The following NID1 variants were observed in gnomAD, a reference collection of about 807,000 sequenced individuals.
NID1 encodes nidogen-1.
A neutral mutation model predicts 130.6 loss-of-function variants in NID1; 76 were observed. The ratio of observed to expected loss-of-function variants is 0.58; its 90% CI spans 0.48 to 0.70. The LOEUF is 0.70. NID1 is among the 30% of genes least tolerant of loss of function. The pLI is 0.00. For synonymous variants in NID1, 665 were observed against 675.1 expected, an observed-to-expected ratio of 0.98 and a Z score of 0.23; for missense variants, 1,517 against 1,664.8, an observed-to-expected ratio of 0.91 and a Z score of 1.54.
chr1:236,042,780 A>G (rs1570828), intron 3 of NID1, among the ~76,000 whole-genome samples: 71,300 of 152,030 alleles, frequency 0.47, 17,065 homozygotes, highest in East Asian at 0.68. Flanking sequence ...GGAATTTCTG[A>G]AGTGATAAGA....
At chr1:236,026,259 C>G in intron 7 of NID1, 118 bp from the exon 8 acceptor site, 2 of 1,312,328 alleles carry the variant, frequency 1.5e-6, no homozygotes, top group Non-Finnish European at 2.1e-6. Flanking sequence ...GCCCATAAGG[C>G]TACCAGATGA....
intron 1 of NID1, among the ~76,000 whole-genome samples, chr1:236,049,475 G>C (rs1391364328): frequency 6.6e-6 from 1 of 151,858 alleles, no homozygotes; most frequent in Non-Finnish European, 1.5e-5. Flanking sequence ...GTGAACCCTT[G>C]TCTCAAAAAA....
chr1:236,041,087 G>A (rs900292718), intron 4 of NID1, among the ~76,000 whole-genome samples: 1 of 150,662 alleles, frequency 6.6e-6, no homozygotes, highest in African/African-American at 2.4e-5. Context: ...TTTTCTTTTC[G>A]AGGCAGAGAC....
intron 1 of NID1, among the ~76,000 whole-genome samples, chr1:236,055,253 A>G (rs1395025970): frequency 1.3e-5 from 2 of 151,928 alleles, no homozygotes; most frequent in Non-Finnish European, 2.9e-5. Flanking sequence ...GCAGTAAGCC[A>G]AGACCACACC....
Position 235,980,579 on chromosome 1 carries a change from C to G in NID1, c.3302G>C (p.Arg1101Thr), listed in dbSNP as rs267598426. 74 of 1,614,222 alleles carry G rather than the reference C, an allele frequency of 4.6e-5. 1 individual carries two copies. In the South Asian group the frequency reaches 7.5e-4, roughly 16 times the overall value. Residue 1101 changes from arginine (R) to threonine (T), a missense_variant, in exon 17 of 20, where the codon AGG becomes ACG. Arg to Thr is a moderately conservative substitution (Grantham distance 71, BLOSUM62 -1). This residue lies in a region of NID1 where 181 missense variants were observed against 211.3 expected (regional missense o/e 0.86). Coordinates refer to ENST00000264187, the MANE Select transcript of NID1 (RefSeq NM_002508.3). ...ETSYMDGTNRRILVQDDLGLP... is the reference protein window; with the variant it reads ...ETSYMDGTNRTILVQDDLGLP... ...GCCCAGGTCATCCTGCACAAGGATCCTCCGGTTCGTGCCGTCCATGTAGGA... is the reference window on the plus strand; with the variant it reads ...GCCCAGGTCATCCTGCACAAGGATCGTCCGGTTCGTGCCGTCCATGTAGGA...
intron 1 of NID1, chr1:236,060,893 A>G (rs1440561602): frequency 6.6e-6 from 1 of 152,212 alleles, no homozygotes; most frequent in Non-Finnish European, 1.5e-5. Flanking sequence ...CTGGGGAGAC[A>G]CATGTTTCTC....
intron 14 of NID1, among the ~76,000 whole-genome samples, chr1:235,987,128 T>G (rs1470180682): frequency 6.6e-6 from 1 of 152,328 alleles, no homozygotes; most frequent in South Asian, 2.1e-4. Context: ...CACTGAGAGT[T>G]AGCTCTGAGT....
chr1:235,997,459 A>T (rs1657958755), intron 12 of NID1, among the ~76,000 whole-genome samples: 1 of 152,182 alleles, frequency 6.6e-6, no homozygotes, highest in African/African-American at 2.4e-5. Context: ...ATTTGTATAT[A>T]TGTTTACACA....
rs761824245 is a variant in NID1, at chr1:236,011,943, G to A, written c.2505C>T (p.Asp835=). Residue 835 remains aspartate (D), a synonymous_variant, in exon 12 of 20, where the codon GAC becomes GAT. Transcript: ENST00000264187. ...TCQCKPGYQG[D]GFRCVPGEVE... is the part of the protein sequence containing the mutation. ...TACCTCCGGGCACGCAACGGAAGCC[G>A]TCTCCCTGATAACCAGGTTTGCACT... The A allele has an allele frequency of 2.4e-5, 39 of 1,613,984 alleles. No homozygotes were observed. The highest frequency in any genetic ancestry group is 2.8e-5 in the Non-Finnish European group (33 of 1,180,030).
At chr1:236,035,943 AT>A (rs113533969) in intron 5 of NID1, among the ~76,000 whole-genome samples, 3,166 of 150,726 alleles carry the variant, frequency 0.021, 45 homozygotes, top group African/African-American at 0.037. Context: ...AGCTAGAAAC[AT>A]TTTTTTTTTA....
chr1:236,023,146 C>T (rs972602437), intron 9 of NID1, among the ~76,000 whole-genome samples: 4 of 152,052 alleles, frequency 2.6e-5, no homozygotes, highest in Non-Finnish European at 5.9e-5. Flanking sequence ...AAAGCAGGAA[C>T]TTCAACAGAT....
In NID1 at chr1:236,060,021, A is replaced by C. The variant is rs183889176; in HGVS notation, c.225+4834T>G. ...AGGCTGAGGTAGGAAAATTGCTTGAACCCAGGAGGTGGAGGTTGCAGTGAG... is the reference window on the plus strand; with the variant it reads ...AGGCTGAGGTAGGAAAATTGCTTGACCCCAGGAGGTGGAGGTTGCAGTGAG... On this transcript the variant is annotated intron_variant, in intron 1 of 19. Coordinates refer to ENST00000264187, the MANE Select transcript of NID1 (RefSeq NM_002508.3). 4.8e-3 allele frequency among the ~76,000 whole-genome samples: 700 copies of C among 147,326 alleles called. 6 individuals carry two copies. The highest frequency in any genetic ancestry group is 0.016 in the African/African-American group (651 of 39,528).
rs565270124 is a variant in NID1 at position 235,985,006 on chromosome 1, G to A, written c.3055+373C>T. On this transcript the variant is annotated intron_variant, in intron 15 of 19. Transcript: ENST00000264187. ...AGATAGAGACCATTCTGGCTAACAC[G>A]GTGAAACCCTGTCTCTACTAAAAAA... 2.6e-4 allele frequency among the ~76,000 whole-genome samples: 39 copies of A among 152,044 alleles called. 1 individual carries two copies. The highest frequency in any genetic ancestry group is 9.2e-4 in the African/African-American group (38 of 41,462).
At chr1:235,989,839 C>T (rs1657678917) in intron 14 of NID1, among the ~76,000 whole-genome samples, 1 of 152,152 alleles carries the variant, frequency 6.6e-6, no homozygotes, top group African/African-American at 2.4e-5. Flanking sequence ...GGCCCTGAGA[C>T]AGAAATGTGC....
chr1:235,990,777 C>T (rs1046336868), intron 14 of NID1, 109 bp downstream of exon 14: 3 of 1,221,906 alleles, frequency 2.5e-6, no homozygotes, highest in Non-Finnish European at 3.5e-6. Context: ...GGAATGAGCA[C>T]CCATGGTTCC....
intron 4 of NID1, 55 bp from the exon 5 acceptor site, chr1:236,038,308 GT>G (rs1558443037): frequency 3.2e-6 from 5 of 1,576,200 alleles, no homozygotes; most frequent in South Asian, 1.1e-5. Flanking sequence ...CTCTAGCCCG[GT>G]GGGCTCTCTC....
chr1:236,031,886 T>C (rs1468381909), intron 6 of NID1, among the ~76,000 whole-genome samples: 1 of 152,240 alleles, frequency 6.6e-6, no homozygotes, highest in East Asian at 1.9e-4. Context: ...TATCTAGGCT[T>C]CCTAAGACTT....
intron 4 of NID1, among the ~76,000 whole-genome samples, chr1:236,038,896 T>C (rs927668028): frequency 5.9e-5 from 5 of 84,602 alleles, no homozygotes; most frequent in Non-Finnish European, 1.1e-4. Flanking sequence ...GTTATATAGG[T>C]CATATATAAC....
At chr1:235,993,958 C>G (rs1346015314) in intron 12 of NID1, 86 bp from the exon 13 acceptor site, 3 of 1,268,304 alleles carry the variant, frequency 2.4e-6, no homozygotes, top group East Asian at 2.5e-5. Context: ...CCCCGCAGCT[C>G]GCTCAGAACC....
Sources: allele counts gnomAD v4.1 joint callset (sites outside exome capture counted in the v4.1 genomes callset), GRCh38; gene constraint gnomAD v4.1.1; regional missense constraint gnomAD v4.1.1; transcripts MANE v1.5; gene names NCBI Gene and HGNC (gene_info 2026-07-23, HGNC 2026-07-21).